CPEB1: variants seen among roughly 807,000 people sequenced by gnomAD.
CPEB1 encodes cytoplasmic polyadenylation element binding protein 1.
A neutral mutation model predicts 65.8 loss-of-function variants in CPEB1; 7 were observed. The observed-to-expected ratio is 0.11, with a 90% CI of 0.06 to 0.20. CPEB1 has a LOEUF of 0.20. Among genes scored for constraint, CPEB1 ranks in the 10% least tolerant of loss-of-function variants. CPEB1 has a pLI of 1.00. For synonymous variants in CPEB1, 262 were observed against 260.0 expected (o/e 1.01, Z -0.08); for missense variants, 551 against 712.2 (o/e 0.77, Z 2.58).
At chr15:82,592,712 G>GC in intron 3 of CPEB1, among the ~76,000 whole-genome samples, 1 of 152,022 alleles carries the variant, frequency 6.6e-6, no homozygotes, top group East Asian at 1.9e-4. Context: ...TGGGCCGGGC[G>GC]CGGTGGTTCA....
intron 3 of CPEB1, among the ~76,000 whole-genome samples, chr15:82,594,326 C>T (rs1216110289): frequency 2.6e-5 from 4 of 151,558 alleles, no homozygotes; most frequent in African/African-American, 7.3e-5. Context: ...ATTTATGTTA[C>T]GGAGACAGCT....
chr15:82,600,858 CTCA>C (rs1343035975), intron 3 of CPEB1, among the ~76,000 whole-genome samples: 4 of 148,738 alleles, frequency 2.7e-5, no homozygotes, highest in South Asian at 2.1e-4. Flanking sequence ...TTCATCCTCT[CTCA>C]TCATAAACTA....
chr15:82,570,716 A>C (rs1416206299), intron 4 of CPEB1, among the ~76,000 whole-genome samples: 2 of 151,716 alleles, frequency 1.3e-5, no homozygotes, highest in Non-Finnish European at 2.9e-5. Flanking sequence ...GTCACTCTCA[A>C]CACAAAGGGA....
chr15:82,579,912 C>A (rs1596058362), intron 3 of CPEB1, among the ~76,000 whole-genome samples: 1 of 73,270 alleles, frequency 1.4e-5, no homozygotes, highest in South Asian at 5.7e-4. Context: ...GAGTGAGACT[C>A]CGTCTCAAAA....
rs747446362 is a variant in CPEB1, at chr15:82,640,250, C to T, written c.-98+6887G>A. Among the ~76,000 whole-genome samples, 4 of 151,980 alleles carry T rather than the reference C, an allele frequency of 2.6e-5. 1 individual carries two copies. The highest frequency in any genetic ancestry group is 5.9e-5 in the Non-Finnish European group (4 of 68,000). Reference sequence around the variant, plus strand: ...AGGGATTCTCCTGCCTCAGCCTCCCCGGTAGCTGGTACTACAGGTGCCACA... The same window carrying T: ...AGGGATTCTCCTGCCTCAGCCTCCCTGGTAGCTGGTACTACAGGTGCCACA... On this transcript the variant is annotated intron_variant, in intron 1 of 12. Transcript: ENST00000684509.
At chr15:82,647,908 G>C (rs908459590), upstream of CPEB1, 18 of 1,229,072 alleles carry the variant, frequency 1.5e-5, no homozygotes, top group African/African-American at 3.1e-5. Context: ...CGGGCTGACC[G>C]GCCAGCCGGC....
intron 3 of CPEB1, among the ~76,000 whole-genome samples, chr15:82,579,364 G>A (rs895469395): frequency 6.6e-6 from 1 of 152,112 alleles, no homozygotes; most frequent in Non-Finnish European, 1.5e-5. Context: ...AGGAGGTTGA[G>A]GCTACGATGA....
chr15:82,618,320 T>A (rs2044952455), intron 3 of CPEB1, among the ~76,000 whole-genome samples: 1 of 152,214 alleles, frequency 6.6e-6, no homozygotes, highest in South Asian at 2.1e-4. Flanking sequence ...TGTCAACATA[T>A]ATATTGAAAA....
intron 3 of CPEB1, among the ~76,000 whole-genome samples, chr15:82,621,601 A>G (rs187574873): frequency 1.3e-5 from 2 of 151,074 alleles, no homozygotes; most frequent in Non-Finnish European, 3.0e-5. Flanking sequence ...CTGGGAAACA[A>G]GAGTGAAACT....
At chr15:82,627,053 C>G (rs1324511945) in intron 3 of CPEB1, 140 bp downstream of exon 3, 6 of 626,066 alleles carry the variant, frequency 9.6e-6, no homozygotes, top group Non-Finnish European at 1.3e-5. Flanking sequence ...AATCCATAAA[C>G]TAAACCACAA....
At chr15:82,623,776 A>G (rs2045520835) in intron 3 of CPEB1, among the ~76,000 whole-genome samples, 1 of 152,070 alleles carries the variant, frequency 6.6e-6, no homozygotes, top group Non-Finnish European at 1.5e-5. Context: ...ATTTAAGGCC[A>G]TTCTTTTTAC....
intron 3 of CPEB1, among the ~76,000 whole-genome samples, chr15:82,619,121 A>C (rs537194740): frequency 1.4e-4 from 22 of 152,252 alleles, no homozygotes; most frequent in Non-Finnish European, 2.9e-4. Context: ...ATGGAAGAGA[A>C]GAGAGTATCC....
At chr15:82,625,785 G>GT (rs2045711140) in intron 3 of CPEB1, among the ~76,000 whole-genome samples, 1 of 151,978 alleles carries the variant, frequency 6.6e-6, no homozygotes, top group East Asian at 1.9e-4. Flanking sequence ...TGTTTTCAAG[G>GT]ACCATTTTTA....
At position 82,543,945 on chromosome 15, in the gene CPEB1, C is replaced by CA. The variant is rs2150901054; in HGVS notation, c.*646dup. The stretch of plus-strand genomic sequence containing the variant: ...CCAGGAAAGAAAAAATATCTTGTTC[C>CA]AAACGACTTAAAAACTGTTTTAAGG... On this transcript the variant is annotated 3_prime_UTR_variant, in exon 13 of 13. Coordinates refer to ENST00000684509, the MANE Select transcript of CPEB1 (RefSeq NM_001365242.1). 1 of 152,326 alleles carries CA rather than the reference C, an allele frequency of 6.6e-6. No homozygotes were observed. The highest frequency in any genetic ancestry group is 1.9e-4 in the East Asian group (1 of 5,188). 9.4% of individuals were successfully genotyped at this position (152,326 alleles called of 1,614,324 possible).
rs143070603 is a variant in CPEB1, at chr15:82,641,009, G to C, written c.-98+6128C>G. 31 of 152,186 alleles carry C rather than the reference G, an allele frequency of 2.0e-4. No individual in the cohort carries two copies. In the East Asian group the frequency reaches 5.8e-3, roughly 28 times the overall value. 9.4% of individuals were successfully genotyped at this position (152,186 alleles called of 1,614,324 possible). Reference sequence around the variant, plus strand: ...TAAGAGTGTATGAATTTTACAAATAGTACTAGTCTAGAAATGAGAAAACGT... The same window carrying C: ...TAAGAGTGTATGAATTTTACAAATACTACTAGTCTAGAAATGAGAAAACGT... On this transcript the variant is annotated intron_variant, in intron 1 of 12. Coordinates refer to ENST00000684509, the MANE Select transcript of CPEB1 (RefSeq NM_001365242.1).
At position 82,609,388 on chromosome 15, in the gene CPEB1, C is replaced by T. The variant is rs756751082; in HGVS notation, c.271+17805G>A. On this transcript the variant is annotated intron_variant, in intron 3 of 12. Coordinates refer to ENST00000684509, the MANE Select transcript of CPEB1 (RefSeq NM_001365242.1). ...TGGTGGTGCACAACTGTAGTCCCAGCTGCTCAAGAGGCTGAGGTGGGAGGA... is the reference window on the plus strand; with the variant it reads ...TGGTGGTGCACAACTGTAGTCCCAGTTGCTCAAGAGGCTGAGGTGGGAGGA... 7.2e-5 allele frequency among the ~76,000 whole-genome samples: 11 copies of T among 151,920 alleles called. 1 individual carries two copies. The highest frequency in any genetic ancestry group is 3.9e-4 in the Admixed American group (6 of 15,246).
chr15:82,623,730 C>T (rs574064550), intron 3 of CPEB1, among the ~76,000 whole-genome samples: 1 of 152,280 alleles, frequency 6.6e-6, no homozygotes, highest in African/African-American at 2.4e-5. Context: ...TTCACTGTCA[C>T]ATTTATATCA....
At chr15:82,549,401 A>G in intron 10 of CPEB1, 59 bp downstream of exon 10, 1 of 1,578,358 alleles carries the variant, frequency 6.3e-7, no homozygotes, top group East Asian at 2.2e-5. Flanking sequence ...GAAGTATCAC[A>G]ATCTTGGTCT....
Position 82,608,941 on chromosome 15 carries a change from T to C in CPEB1, c.271+18252A>G, listed in dbSNP as rs1459796741. 4.6e-5 allele frequency among the ~76,000 whole-genome samples: 7 copies of C among 152,186 alleles called. No homozygotes were observed. The East Asian group carries it at 1.3e-3, about 29-fold the overall frequency. ...TTCTCCAGGACAGACCATATGTTAG[T>C]TAGGCCATGAAGTCTCAATAAATGT... is the stretch of plus-strand genomic sequence containing the variant. On this transcript the variant is annotated intron_variant, in intron 3 of 12. Coordinates refer to ENST00000684509, the MANE Select transcript of CPEB1 (RefSeq NM_001365242.1).
Sources: gnomAD v4.1 joint callset for allele counts (sites outside exome capture counted in the v4.1 genomes callset) on GRCh38, gnomAD v4.1.1 for gene constraint, MANE v1.5 for transcripts, NCBI Gene and HGNC (gene_info 2026-07-23, HGNC 2026-07-21) for gene names.